COBLL1: variants seen among roughly 807,000 people sequenced by gnomAD.
COBLL1 encodes the protein cordon-bleu WH2 repeat protein like 1.
A neutral mutation model predicts 94.8 loss-of-function variants in COBLL1; 50 were observed. The observed-to-expected ratio is 0.53, with a 90% CI of 0.42 to 0.67. The LOEUF (loss-of-function observed/expected upper bound fraction) is 0.67. Ranked by LOEUF, COBLL1 falls within the 30% of genes least tolerant of loss-of-function variation. The pLI, the probability that COBLL1 is intolerant of heterozygous loss-of-function variation, is 0.00. For missense variants in COBLL1, 1,362 were observed against 1,348.7 expected, an observed-to-expected ratio of 1.01 and a Z score of -0.15; for synonymous variants, 448 against 473.8, an observed-to-expected ratio of 0.95 and a Z score of 0.71.
chr2:164,756,312 T>G (rs968025525), intron 2 of COBLL1, among the ~76,000 whole-genome samples: 1 of 152,120 alleles, frequency 6.6e-6, no homozygotes, highest in South Asian at 2.1e-4. Context: ...TTCACTATGA[T>G]AGCCAGTTAC....
At position 164,684,392 on chromosome 2, in the gene COBLL1, T is replaced by G; in HGVS notation, c.*1554A>C. 1 of 152,152 alleles carries G rather than the reference T, an allele frequency of 6.6e-6. No homozygotes were observed. 9.4% of individuals were successfully genotyped at this position (152,152 alleles called of 1,614,324 possible). A position where few individuals can be genotyped will look rare whatever the true frequency, so the allele number is the denominator to read the frequency against. On this transcript the variant is annotated 3_prime_UTR_variant, in exon 14 of 14. Transcript: ENST00000652658. ...TTAAATTAGGGATCCAAATTTATAT[T>G]TTTATAAGTAGATAATTATGACAAC...
intron 2 of COBLL1, among the ~76,000 whole-genome samples, chr2:164,829,913 C>T (rs1682988044): frequency 6.6e-6 from 1 of 152,168 alleles, no homozygotes; most frequent in Non-Finnish European, 1.5e-5. Flanking sequence ...TCCTCCTTTT[C>T]TTGCACTCCT....
intron 3 of COBLL1, among the ~76,000 whole-genome samples, chr2:164,732,032 G>A (rs752017326): frequency 1.2e-4 from 18 of 152,098 alleles, no homozygotes; most frequent in Non-Finnish European, 2.6e-4. Flanking sequence ...ACTTTCTGTG[G>A]TCGCTGCCTA....
chr2:164,728,137 G>T lies in COBLL1; in HGVS notation c.493C>A (p.Pro165Thr). Reference sequence around the variant, plus strand: ...GCAAGCTCTTGAAGCGATGCATGTGGACTCACTCTCACTATGGTCTTCTGT... The same window carrying T: ...GCAAGCTCTTGAAGCGATGCATGTGTACTCACTCTCACTATGGTCTTCTGT... ...KTQKTIVRVS[P>T]HASLQELAPI... Residue 165 changes from proline (P) to threonine (T), a missense_variant, in exon 5 of 14, where the codon CCA becomes ACA. Transcript: ENST00000652658. The T allele has an allele frequency of 6.2e-7, 1 of 1,613,698 alleles. No homozygotes were observed. Among genetic ancestry groups the T allele is most frequent in the Middle Eastern group, 1.7e-4 (1 of 6,058 alleles).
intron 2 of COBLL1, among the ~76,000 whole-genome samples, chr2:164,805,746 G>A (rs777513136): frequency 2.0e-4 from 30 of 152,004 alleles, no homozygotes; most frequent in Non-Finnish European, 3.7e-4. Context: ...AGGACATCCT[G>A]TTTGCTTCCA....
chr2:164,743,514 A>G, intron 3 of COBLL1, 173 bp downstream of exon 3: 1 of 585,218 alleles, frequency 1.7e-6, no homozygotes, highest in Non-Finnish European at 3.0e-6. Flanking sequence ...ATATTAAAAC[A>G]TTGATAGAAA....
intron 2 of COBLL1, among the ~76,000 whole-genome samples, chr2:164,793,680 C>A (rs1400183668): frequency 1.3e-5 from 2 of 151,896 alleles, no homozygotes; most frequent in African/African-American, 2.4e-5. Context: ...AATTCCTTTC[C>A]AATATTAACA....
rs569042728 is a variant in COBLL1 at position 164,837,758 on chromosome 2, G to A, written c.41+3398C>T. On this transcript the variant is annotated intron_variant, in intron 2 of 13. Coordinates refer to ENST00000652658, the MANE Select transcript of COBLL1 (RefSeq NM_001365672.2). Reference sequence around the variant, plus strand: ...GTTGCATGCAATCTTTTTTCTCGAAGGAAAACCGAAACTGTTGTGACTCAA... The same window carrying A: ...GTTGCATGCAATCTTTTTTCTCGAAAGAAAACCGAAACTGTTGTGACTCAA... 5.3e-5 allele frequency among the ~76,000 whole-genome samples: 8 copies of A among 152,104 alleles called. No homozygotes were observed. The South Asian group carries it at 1.7e-3, about 32-fold the overall frequency.
At chr2:164,819,352 G>A (rs994561750) in intron 2 of COBLL1, among the ~76,000 whole-genome samples, 14 of 151,992 alleles carry the variant, frequency 9.2e-5, no homozygotes, top group Admixed American at 7.9e-4. Context: ...ACATAAAAGA[G>A]ATAAAGCATA....
intron 2 of COBLL1, among the ~76,000 whole-genome samples, chr2:164,749,856 C>G (rs532549624): frequency 4.1e-4 from 63 of 152,200 alleles, no homozygotes; most frequent in African/African-American, 1.5e-3. Context: ...AGACAACTGT[C>G]TGTCTCATCT....
chr2:164,694,797 G>A lies in COBLL1; in HGVS notation c.2595C>T (p.Ser865=), dbSNP rs752881176. ...TCTTCTGCATCTGCAAAAAAAAAGA[G>A]CTGGGTTTGGCCTGGGCATTTGAAG... The part of the protein sequence containing the change: ...SRASNAQAKP[S]SFFLQMQKRV... The change falls in exon 12 of 14, where the codon AGC becomes AGT. Residue 865 remains serine (S), a synonymous_variant. Coordinates refer to ENST00000652658, the MANE Select transcript of COBLL1 (RefSeq NM_001365672.2). The A allele has an allele frequency of 6.2e-7, 1 of 1,613,630 alleles. No homozygotes were observed. The highest frequency in any genetic ancestry group is 8.5e-7 in the Non-Finnish European group (1 of 1,179,890).
At position 164,695,545 on chromosome 2, in the gene COBLL1, T is replaced by G; in HGVS notation, c.1847A>C (p.Lys616Thr). Residue 616 changes from lysine (K) to threonine (T), a missense_variant, in exon 12 of 14, where the codon AAA becomes ACA. Lys to Thr is a moderately conservative substitution (Grantham distance 78). Transcript: ENST00000652658. Reference protein sequence around the residue: ...TTPSCNSFDGKHQDHNLSDSK... With the variant: ...TTPSCNSFDGTHQDHNLSDSK... ...GTCAGATAAATTATGATCTTGGTGTTTCCCATCAAAACTGTTACAAGAAGG... is the reference window on the plus strand; with the variant it reads ...GTCAGATAAATTATGATCTTGGTGTGTCCCATCAAAACTGTTACAAGAAGG... 11 of 1,613,954 alleles carry G rather than the reference T, an allele frequency of 6.8e-6. No homozygotes were observed. The highest frequency in any genetic ancestry group is 9.3e-6 in the Non-Finnish European group (11 of 1,179,912).
Position 164,672,665 on chromosome 2 carries a change from G to C in COBLL1, n.127-6764C>G, listed in dbSNP as rs370598612. Among the ~76,000 whole-genome samples the C allele has an allele frequency of 8.7e-3, 1,205 of 137,816 alleles. 8 individuals carry two copies. The highest frequency in any genetic ancestry group is 0.024 in the African/African-American group (834 of 35,420). The allele number at this position is 137,816 out of a possible 152,430, so 90.4% of individuals were successfully genotyped here. The stretch of plus-strand genomic sequence containing the variant: ...AGTGAGCCGAGATTGCGCCACTGCA[G>C]TCCGCAGTCCGGCCTGGGCGACAGA... On this transcript the variant is annotated intron_variant and non_coding_transcript_variant, in intron 1 of 2. Coordinates refer to the COBLL1 transcript ENST00000495084.
intron 5 of COBLL1, among the ~76,000 whole-genome samples, chr2:164,726,757 T>C (rs543649454): frequency 3.9e-4 from 60 of 152,212 alleles, no homozygotes; most frequent in Admixed American, 3.9e-3. Context: ...TACTGTTCAG[T>C]GAAATAATCT....
At chr2:164,749,185 A>C (rs867954579) in intron 2 of COBLL1, among the ~76,000 whole-genome samples, 2 of 152,184 alleles carry the variant, frequency 1.3e-5, no homozygotes, top group Non-Finnish European at 2.9e-5. Context: ...TGTATGAGAT[A>C]TACTTACATC....
chr2:164,725,135 A>ATATATATAT (rs1558956204), intron 5 of COBLL1: 720 of 57,090 alleles, frequency 0.013, 31 homozygotes, highest in Non-Finnish European at 0.017. Context: ...TATATATATA[A>ATATATATAT]AATGAAAGCA....
At chr2:164,833,950 C>T (rs1683204625) in intron 2 of COBLL1, among the ~76,000 whole-genome samples, 1 of 152,140 alleles carries the variant, frequency 6.6e-6, no homozygotes, top group Non-Finnish European at 1.5e-5. Flanking sequence ...CCAAAGGATT[C>T]ATTCCTCAGA....
Position 164,728,052 on chromosome 2 carries a change from T to C in COBLL1, c.578A>G (p.Tyr193Cys). 6.2e-7 allele frequency: 1 copy of C among 1,613,842 alleles called. No individual in the cohort carries two copies. The highest frequency in any genetic ancestry group is 8.5e-7 in the Non-Finnish European group (1 of 1,179,752). Residue 193 changes from tyrosine (Y) to cysteine (C), a missense_variant, in exon 5 of 14, where the codon TAT becomes TGT. Coordinates refer to ENST00000652658, the MANE Select transcript of COBLL1 (RefSeq NM_001365672.2). ...DPLHTLLLKD[Y>C]QSQEPLDLTK... is the part of the protein sequence containing the mutation. ...CAAGTCAAGAGGCTCCTGCGATTGA[T>C]AATCTTTCAACAATAGTGTATGCAA...
At chr2:164,836,315 A>T (rs1384184639) in intron 2 of COBLL1, among the ~76,000 whole-genome samples, 2 of 152,204 alleles carry the variant, frequency 1.3e-5, no homozygotes, top group South Asian at 4.1e-4. Context: ...AAGCCAAATA[A>T]TTAATCTCCT....
Sources: allele counts gnomAD v4.1 joint callset (sites outside exome capture counted in the v4.1 genomes callset), GRCh38; gene constraint gnomAD v4.1.1; transcripts MANE v1.5; gene names NCBI Gene and HGNC (gene_info 2026-07-23, HGNC 2026-07-21).